Variants in PPP3CA observed in about 807,000 individuals in gnomAD.
PPP3CA encodes protein phosphatase 3 catalytic subunit alpha.
Under a neutral mutation model 66.5 loss-of-function variants are expected in PPP3CA, and 14 were observed. That is an observed-to-expected ratio of 0.21 (90% CI 0.14 to 0.33). The LOEUF (loss-of-function observed/expected upper bound fraction) is 0.33, where lower values mean the gene tolerates loss of function less well. Among genes scored for constraint, PPP3CA ranks in the 10% least tolerant of loss-of-function variants. The pLI is 1.00. For synonymous variants in PPP3CA, 232 were observed against 226.2 expected, an observed-to-expected ratio of 1.03 and a Z score of -0.23; for missense variants, 317 against 639.5, an observed-to-expected ratio of 0.50 and a Z score of 5.44.
Position 101,275,894 on chromosome 4 carries a change from T to TG in PPP3CA, c.58+70844_58+70845insC, listed in dbSNP as rs1263923855. Among the ~76,000 whole-genome samples, 750 of 149,680 alleles carry TG rather than the reference T, an allele frequency of 5.0e-3. 4 individuals are homozygous for TG. The highest frequency in any genetic ancestry group is 0.018 in the African/African-American group (716 of 40,458). Reference sequence around the variant, plus strand: ...TTTGTTTTTTGTTTGTTTGTTTGTTTTTTGTTTTTTGTTTTTTTTTGAGAC... The same window carrying TG: ...TTTGTTTTTTGTTTGTTTGTTTGTTTGTTTGTTTTTTGTTTTTTTTTGAGAC... On this transcript the variant is annotated intron_variant, in intron 1 of 13. Coordinates refer to ENST00000394854, the MANE Select transcript of PPP3CA (RefSeq NM_000944.5).
intron 2 of PPP3CA, among the ~76,000 whole-genome samples, chr4:101,125,899 T>G (rs1722229482): frequency 1.3e-5 from 2 of 152,222 alleles, no homozygotes; most frequent in South Asian, 4.1e-4. Flanking sequence ...TTCTGGCTAT[T>G]AAGTCATCAC....
intron 10 of PPP3CA, among the ~76,000 whole-genome samples, chr4:101,059,665 C>T (rs1728375753): frequency 1.3e-5 from 2 of 152,140 alleles, no homozygotes; most frequent in African/African-American, 4.8e-5. Flanking sequence ...TTTCATTTTA[C>T]TGAACTGCAG....
chr4:101,310,806 G>A (rs191998981), intron 1 of PPP3CA, among the ~76,000 whole-genome samples: 17 of 152,226 alleles, frequency 1.1e-4, no homozygotes, highest in Admixed American at 1.0e-3. Flanking sequence ...ACATTTTTGA[G>A]CAAAGGATCT....
chr4:101,132,379 A>T (rs1302189415), intron 2 of PPP3CA, among the ~76,000 whole-genome samples: 3 of 152,186 alleles, frequency 2.0e-5, no homozygotes, highest in Admixed American at 6.5e-5. Context: ...TAAAAGAGAG[A>T]TGAATCAAAT....
intron 1 of PPP3CA, among the ~76,000 whole-genome samples, chr4:101,335,660 A>G (rs905766688): frequency 6.6e-6 from 1 of 152,170 alleles, no homozygotes; most frequent in African/African-American, 2.4e-5. Context: ...TAAGAGCATC[A>G]TGACTGGCAA....
intron 1 of PPP3CA, among the ~76,000 whole-genome samples, chr4:101,269,247 AATC>A (rs1279350753): frequency 2.6e-5 from 4 of 152,076 alleles, no homozygotes; most frequent in Non-Finnish European, 5.9e-5. Flanking sequence ...CTTATGGAAG[AATC>A]ATCTTTCCAG....
intron 1 of PPP3CA, among the ~76,000 whole-genome samples, chr4:101,326,080 G>C (rs1189777910): frequency 6.6e-6 from 1 of 152,138 alleles, no homozygotes; most frequent in African/African-American, 2.4e-5. Context: ...AGGTTGCAGT[G>C]AGCCGAGACT....
chr4:101,136,046 T>C (rs1014011141), intron 2 of PPP3CA, among the ~76,000 whole-genome samples: 2 of 152,250 alleles, frequency 1.3e-5, no homozygotes, highest in Non-Finnish European at 2.9e-5. Context: ...GTCACTACCA[T>C]ATTTCAATAT....
At chr4:101,109,628 C>G (rs1721597855) in intron 2 of PPP3CA, among the ~76,000 whole-genome samples, 1 of 126,724 alleles carries the variant, frequency 7.9e-6, no homozygotes. Flanking sequence ...CATTGTAAGA[C>G]ACATCATTAG....
intron 2 of PPP3CA, among the ~76,000 whole-genome samples, chr4:101,128,587 C>A (rs1722321813): frequency 6.6e-6 from 1 of 151,592 alleles, no homozygotes; most frequent in South Asian, 2.1e-4. Context: ...TGGCTATAAC[C>A]CACAGAGGGC....
chr4:101,154,048 T>A (rs1055019943), intron 2 of PPP3CA, among the ~76,000 whole-genome samples: 1 of 152,190 alleles, frequency 6.6e-6, no homozygotes, highest in Admixed American at 6.5e-5. Context: ...GGAGTAAATA[T>A]GCTACTTAAC....
intron 1 of PPP3CA, among the ~76,000 whole-genome samples, chr4:101,271,188 A>C (rs972656513): frequency 6.6e-6 from 1 of 152,166 alleles, no homozygotes; most frequent in Non-Finnish European, 1.5e-5. Context: ...CATGTTTTCC[A>C]AAACTTGATA....
At chr4:101,030,455 C>T (rs1215364645) in intron 12 of PPP3CA, among the ~76,000 whole-genome samples, 9 of 151,552 alleles carry the variant, frequency 5.9e-5, no homozygotes, top group Non-Finnish European at 1.2e-4. Flanking sequence ...ATTTTGGAGT[C>T]GTATCAATGT....
At chr4:101,196,194 A>C in intron 1 of PPP3CA, 78 bp from the exon 2 acceptor site, 3 of 1,306,908 alleles carry the variant, frequency 2.3e-6, no homozygotes, top group Non-Finnish European at 3.2e-6. Flanking sequence ...CCAAATATCC[A>C]TCCTCATCAC....
chr4:101,205,192 T>G (rs1725092975), intron 1 of PPP3CA, among the ~76,000 whole-genome samples: 1 of 152,074 alleles, frequency 6.6e-6, no homozygotes, highest in Non-Finnish European at 1.5e-5. Flanking sequence ...CAAACAAGAA[T>G]AGATACTTTA....
chr4:101,311,684 G>A (rs888347806), intron 1 of PPP3CA, among the ~76,000 whole-genome samples: 11 of 152,156 alleles, frequency 7.2e-5, no homozygotes, highest in Non-Finnish European at 1.5e-4. Flanking sequence ...GGAGGCTCAG[G>A]CAGGAGAATA....
chr4:101,056,685 T>C (rs572393934), intron 10 of PPP3CA, among the ~76,000 whole-genome samples: 1 of 152,260 alleles, frequency 6.6e-6, no homozygotes, highest in Non-Finnish European at 1.5e-5. Flanking sequence ...TGTCTTCTGA[T>C]TTCTGCTTTG....
intron 10 of PPP3CA, among the ~76,000 whole-genome samples, chr4:101,041,353 A>G (rs892448419): frequency 1.3e-5 from 2 of 152,028 alleles, no homozygotes; most frequent in African/African-American, 2.4e-5. Context: ...TAATACTTCA[A>G]TGAGCCCATT....
chr4:101,295,989 G>T (rs1370437057), intron 1 of PPP3CA, among the ~76,000 whole-genome samples: 1 of 152,100 alleles, frequency 6.6e-6, no homozygotes, highest in East Asian at 1.9e-4. Flanking sequence ...GCTTTCTTTT[G>T]TAACAGATTT....
Sources: gnomAD v4.1 joint callset for allele counts (sites outside exome capture counted in the v4.1 genomes callset) on GRCh38, gnomAD v4.1.1 for gene constraint, MANE v1.5 for transcripts, NCBI Gene and HGNC (gene_info 2026-07-23, HGNC 2026-07-21) for gene names.